The following FABP6 variants were observed in gnomAD, a reference collection of about 807,000 sequenced individuals.
FABP6 encodes the protein gastrotropin.
In FABP6, 13 loss-of-function variants were observed where a neutral mutation model predicts 14.9. That is an observed-to-expected ratio of 0.87 (90% CI 0.57 to 1.39). FABP6 has a LOEUF of 1.39. Ranked by LOEUF, FABP6 falls within the 40% of genes most tolerant of loss-of-function variation. The pLI is 0.00. For missense variants in FABP6, 161 were observed against 167.2 expected (o/e 0.96, Z 0.20); for synonymous variants, 75 against 63.6 (o/e 1.18, Z -0.85).
At position 160,213,634 on chromosome 5, in the gene FABP6, C is replaced by A. The variant is rs1024596675; in HGVS notation, c.52-102C>A. 3.6e-5 allele frequency: 33 copies of A among 920,476 alleles called. No homozygotes were observed. The South Asian group carries it at 4.3e-4, about 12-fold the overall frequency. 57.0% of individuals were successfully genotyped at this position (920,476 alleles called of 1,614,324 possible). ...AGTTTCCATTGCTTGCAATTAAGAG[C>A]GCTGCTATGAGGAGCTCTGCCTCCC... On this transcript the variant is annotated intron_variant, in intron 2 of 6. Transcript: ENST00000393980.
upstream of FABP6, among the ~76,000 whole-genome samples, chr5:160,226,039 T>G (rs1001077405): frequency 3.3e-5 from 5 of 151,220 alleles, no homozygotes; most frequent in African/African-American, 9.7e-5. Flanking sequence ...CCGGGCGTGG[T>G]GGTAGGCGCC....
chr5:160,193,362 C>T (rs1157925544), intron 1 of FABP6, among the ~76,000 whole-genome samples: 2 of 151,892 alleles, frequency 1.3e-5, no homozygotes, highest in East Asian at 1.9e-4. Flanking sequence ...GCAGTGGGGA[C>T]CCAAAGAGTG....
chr5:160,201,198 A>G (rs568400139), intron 2 of FABP6, among the ~76,000 whole-genome samples: 2 of 152,134 alleles, frequency 1.3e-5, no homozygotes, highest in South Asian at 4.1e-4. Context: ...TCTAAAAAAA[A>G]AATACACAAA....
At chr5:160,238,388 C>A (rs565748497) in intron 3 of FABP6, among the ~76,000 whole-genome samples, 2 of 152,322 alleles carry the variant, frequency 1.3e-5, no homozygotes, top group South Asian at 4.1e-4. Flanking sequence ...GGGTTCCACA[C>A]CCAGAGCCAC....
At chr5:160,203,228 A>C (rs1759684255) in intron 2 of FABP6, among the ~76,000 whole-genome samples, 1 of 152,098 alleles carries the variant, frequency 6.6e-6, no homozygotes, top group Non-Finnish European at 1.5e-5. Flanking sequence ...AGGCAGAAAA[A>C]TGTTGAAGAA....
intron 3 of FABP6, among the ~76,000 whole-genome samples, chr5:160,223,650 C>T (rs889859682): frequency 6.6e-6 from 1 of 151,458 alleles, no homozygotes; most frequent in Non-Finnish European, 1.5e-5. Flanking sequence ...TGGTCTGGAA[C>T]TCCTGGGCCC....
chr5:160,211,180 A>G (rs1284139678), intron 2 of FABP6, among the ~76,000 whole-genome samples: 1 of 152,030 alleles, frequency 6.6e-6, no homozygotes, highest in Non-Finnish European at 1.5e-5. Flanking sequence ...TTGCCTGCCC[A>G]GTATCCTTTC....
At chr5:160,220,917 G>A (rs958994556) in intron 3 of FABP6, among the ~76,000 whole-genome samples, 5 of 151,712 alleles carry the variant, frequency 3.3e-5, no homozygotes, top group Middle Eastern at 3.4e-3. Context: ...GTGAAACCCC[G>A]TCTCTACTAA....
chr5:160,225,675 C>T (rs958133221), upstream of FABP6, among the ~76,000 whole-genome samples: 11 of 152,122 alleles, frequency 7.2e-5, 1 homozygote, highest in Admixed American at 6.6e-4. Context: ...GCTGGGATTA[C>T]AGGTATGAGC....
At chr5:160,216,785 T>G (rs1358731937) in intron 3 of FABP6, among the ~76,000 whole-genome samples, 1 of 152,246 alleles carries the variant, frequency 6.6e-6, no homozygotes, top group Non-Finnish European at 1.5e-5. Flanking sequence ...TCTCAGAAGT[T>G]TGTTGCATGG....
chr5:160,192,543 C>T (rs1489975545), intron 1 of FABP6, among the ~76,000 whole-genome samples: 1 of 152,234 alleles, frequency 6.6e-6, no homozygotes, highest in Non-Finnish European at 1.5e-5. Context: ...CCCATTAGGC[C>T]TGGATCCCCT....
chr5:160,191,018 G>A lies in FABP6; in HGVS notation c.-59+3564G>A, dbSNP rs552562130. On this transcript the variant is annotated intron_variant, in intron 1 of 6. Transcript: ENST00000393980. ...GCAGAAGAATCGCTTGAACCCAGGA[G>A]GCAGAGGTTGCAGTGAGCTGAGATC... Among the ~76,000 whole-genome samples, 3 of 151,282 alleles carry A rather than the reference G, an allele frequency of 2.0e-5. No individual in the cohort carries two copies. The East Asian group carries it at 5.8e-4, about 29-fold the overall frequency.
At chr5:160,225,500 C>G (rs1039825101), upstream of FABP6, among the ~76,000 whole-genome samples, 1 of 149,438 alleles carries the variant, frequency 6.7e-6, no homozygotes, top group East Asian at 2.0e-4. Context: ...CTCCTGGGTT[C>G]AAGCGATTCT....
intron 1 of FABP6, among the ~76,000 whole-genome samples, chr5:160,192,035 C>T (rs1297881783): frequency 2.6e-5 from 4 of 151,940 alleles, no homozygotes; most frequent in South Asian, 4.2e-4. Flanking sequence ...CCGCCTTGAC[C>T]TCTTAAAGTG....
chr5:160,208,268 T>G (rs570117142), intron 2 of FABP6, among the ~76,000 whole-genome samples: 150 of 151,840 alleles, frequency 9.9e-4, no homozygotes, highest in Non-Finnish European at 2.0e-3. Flanking sequence ...TATAACTAGA[T>G]CGTTTGTCTA....
intron 2 of FABP6, among the ~76,000 whole-genome samples, chr5:160,233,546 G>A (rs1229597976): frequency 6.6e-6 from 1 of 152,072 alleles, no homozygotes; most frequent in Admixed American, 6.5e-5. Flanking sequence ...ATGAATGCTA[G>A]AAGAAAAAAT....
intron 2 of FABP6, among the ~76,000 whole-genome samples, chr5:160,206,906 C>T (rs1017379293): frequency 1.3e-5 from 2 of 152,184 alleles, no homozygotes; most frequent in African/African-American, 4.8e-5. Flanking sequence ...AGAGTGTTTC[C>T]ACCTTCAAAG....
intron 3 of FABP6, among the ~76,000 whole-genome samples, chr5:160,222,049 A>C (rs1459867721): frequency 6.6e-6 from 1 of 151,204 alleles, no homozygotes; most frequent in Non-Finnish European, 1.5e-5. Context: ...GATTATAGGT[A>C]GCTTCAAATT....
chr5:160,236,233 C>T lies in FABP6; in HGVS notation c.333+1324C>T, dbSNP rs1760512479. 2.0e-5 allele frequency among the ~76,000 whole-genome samples: 3 copies of T among 152,060 alleles called. No homozygotes were observed. The South Asian group carries it at 6.2e-4, about 32-fold the overall frequency. ...GTTTCACCATGTTGGCCAGGCTGGT[C>T]TCGAACTCCTGACCTCAAGTGATCT... On this transcript the variant is annotated intron_variant, in intron 3 of 3. Coordinates refer to ENST00000402432, the MANE Select transcript of FABP6 (RefSeq NM_001445.3).
Sources: allele counts gnomAD v4.1 joint callset (sites outside exome capture counted in the v4.1 genomes callset), GRCh38; gene constraint gnomAD v4.1.1; transcripts MANE v1.5; gene names NCBI Gene and HGNC (gene_info 2026-07-23, HGNC 2026-07-21).